ARHGAP32: variants seen among roughly 807,000 people sequenced by gnomAD.
The protein encoded by ARHGAP32 is Rho GTPase activating protein 32.
Under a neutral mutation model 186.5 loss-of-function variants are expected in ARHGAP32, and 51 were observed. The observed-to-expected ratio is 0.27, with a 90% CI of 0.22 to 0.35. ARHGAP32 has a LOEUF of 0.35. Ranked by LOEUF, ARHGAP32 falls within the 10% of genes least tolerant of loss-of-function variation. The pLI is 1.00. For synonymous variants in ARHGAP32, 950 were observed against 964.3 expected (o/e 0.99, Z 0.27); for missense variants, 2,186 against 2,623.5 (o/e 0.83, Z 3.64).
chr11:129,179,754 T>C (rs1267448133), intron 1 of ARHGAP32, among the ~76,000 whole-genome samples: 1 of 129,882 alleles, frequency 7.7e-6, no homozygotes, highest in Non-Finnish European at 1.6e-5. Flanking sequence ...TGAGAACACA[T>C]GGACATAGGA....
intron 13 of ARHGAP32, 62 bp downstream of exon 13, chr11:128,987,961 T>C: frequency 9.0e-7 from 1 of 1,109,188 alleles, no homozygotes; most frequent in Non-Finnish European, 1.4e-6. Flanking sequence ...GTGAATCTGT[T>C]TTAAAATATT....
At chr11:128,986,399 T>C (rs1945873564) in intron 14 of ARHGAP32, 125 bp downstream of exon 14, 6 of 1,062,534 alleles carry the variant, frequency 5.6e-6, no homozygotes, top group Admixed American at 2.5e-5. Flanking sequence ...ATATTTGTTT[T>C]TTTAAGGAGT....
At chr11:129,229,837 T>G (rs533651973) in intron 1 of ARHGAP32, among the ~76,000 whole-genome samples, 15 of 152,008 alleles carry the variant, frequency 9.9e-5, no homozygotes, top group African/African-American at 3.6e-4. Context: ...TTTTTGGGGG[T>G]GGGAGGCAGG....
At chr11:129,233,010 C>T (rs1944878413) in intron 1 of ARHGAP32, among the ~76,000 whole-genome samples, 1 of 152,138 alleles carries the variant, frequency 6.6e-6, no homozygotes, top group Admixed American at 6.5e-5. Flanking sequence ...TTTGTCAAAA[C>T]TTTTCACACT....
chr11:129,228,154 T>C (rs1024927770), intron 1 of ARHGAP32, among the ~76,000 whole-genome samples: 13 of 152,002 alleles, frequency 8.6e-5, no homozygotes, highest in Non-Finnish European at 1.5e-4. Context: ...AGATGGGAAA[T>C]AGGAAAATAC....
intron 10 of ARHGAP32, among the ~76,000 whole-genome samples, chr11:129,046,137 TC>T (rs1372684502): frequency 1.3e-5 from 2 of 152,084 alleles, no homozygotes; most frequent in African/African-American, 4.8e-5. Flanking sequence ...ATGGCTGGTT[TC>T]AAGCTACCAA....
chr11:129,143,415 G>C (rs1004529847), intron 2 of ARHGAP32, among the ~76,000 whole-genome samples: 1 of 152,110 alleles, frequency 6.6e-6, no homozygotes, highest in Admixed American at 6.5e-5. Context: ...ACTGCATGCA[G>C]TTCTGAGTAA....
chr11:128,971,844 A>T (rs181099760), intron 22 of ARHGAP32: 1 of 152,410 alleles, frequency 6.6e-6, no homozygotes, highest in Non-Finnish European at 1.5e-5. Flanking sequence ...ATATGAGGAA[A>T]TTCAGGAAGA....
At chr11:129,032,338 G>A (rs1734777932) in intron 11 of ARHGAP32, among the ~76,000 whole-genome samples, 2 of 152,200 alleles carry the variant, frequency 1.3e-5, no homozygotes, top group African/African-American at 4.8e-5. Flanking sequence ...TCACCTGCGT[G>A]CTGCCCCTGA....
chr11:129,038,902 A>G lies in ARHGAP32; in HGVS notation c.1045+2026T>C, dbSNP rs545615374. On this transcript the variant is annotated intron_variant, in intron 11 of 22. Transcript: ENST00000682385. ...GACCCTGTCTCGAAAAAAAAAAAAA[A>G]AAAAAGAAAAAGAAAAAAGAATAAG... 2.5e-4 allele frequency among the ~76,000 whole-genome samples: 38 copies of G among 150,784 alleles called. 1 individual carries two copies. The East Asian group carries it at 6.4e-3, about 25-fold the overall frequency.
At chr11:129,238,129 TTTCTC>T (rs1410476294) in intron 1 of ARHGAP32, among the ~76,000 whole-genome samples, 2 of 152,162 alleles carry the variant, frequency 1.3e-5, no homozygotes, top group Admixed American at 6.5e-5. Context: ...CTAACCCTAA[TTTCTC>T]TTCTAAGCTT....
chr11:129,247,033 C>A (rs910714485), intron 1 of ARHGAP32, among the ~76,000 whole-genome samples: 2 of 152,176 alleles, frequency 1.3e-5, no homozygotes, highest in Non-Finnish European at 2.9e-5. Context: ...CTACCTTCCA[C>A]GCTCTATAGT....
At chr11:129,144,750 A>G (rs2135436930) in intron 2 of ARHGAP32, among the ~76,000 whole-genome samples, 1 of 152,324 alleles carries the variant, frequency 6.6e-6, no homozygotes, top group East Asian at 1.9e-4. Context: ...GGATGAGAAG[A>G]CTGAAGGAAA....
chr11:129,101,342 G>GT (rs1941893240), intron 5 of ARHGAP32, among the ~76,000 whole-genome samples: 1 of 152,194 alleles, frequency 6.6e-6, no homozygotes, highest in South Asian at 2.1e-4. Flanking sequence ...CCTCTCTTCA[G>GT]TAAGGGTCCT....
chr11:129,174,612 C>G, intron 1 of ARHGAP32, among the ~76,000 whole-genome samples: 1 of 152,166 alleles, frequency 6.6e-6, no homozygotes, highest in Non-Finnish European at 1.5e-5. Flanking sequence ...GGCAGACTGC[C>G]TCCTCAAGTG....
intron 10 of ARHGAP32, among the ~76,000 whole-genome samples, chr11:129,057,739 C>T (rs1427902277): frequency 1.3e-5 from 2 of 151,012 alleles, no homozygotes; most frequent in Non-Finnish European, 2.9e-5. Context: ...TTAGTGGACT[C>T]GCAAAGGTCA....
At chr11:129,132,605 G>A (rs1048663798) in intron 2 of ARHGAP32, among the ~76,000 whole-genome samples, 4 of 152,132 alleles carry the variant, frequency 2.6e-5, no homozygotes, top group African/African-American at 9.7e-5. Context: ...GTCTAATAAA[G>A]CACAAATCAA....
intron 5 of ARHGAP32, among the ~76,000 whole-genome samples, chr11:129,114,018 C>T (rs1411544206): frequency 6.6e-6 from 1 of 152,106 alleles, no homozygotes; most frequent in Non-Finnish European, 1.5e-5. Flanking sequence ...TTATCTCTTA[C>T]AGTCATCCCC....
upstream of ARHGAP32, among the ~76,000 whole-genome samples, chr11:129,193,620 ATATAATATATATAATATATGT>A: frequency 1.3e-5 from 1 of 79,108 alleles, no homozygotes; most frequent in South Asian, 2.9e-4. Flanking sequence ...AATATATGTT[ATATAATATATATAATATATGT>A]TATATAATAC....
Sources: gnomAD v4.1 joint callset for allele counts (sites outside exome capture counted in the v4.1 genomes callset) on GRCh38, gnomAD v4.1.1 for gene constraint, MANE v1.5 for transcripts, NCBI Gene and HGNC (gene_info 2026-07-23, HGNC 2026-07-21) for gene names.